TMEM132B: variants seen among roughly 807,000 people sequenced by gnomAD.
TMEM132B encodes the protein transmembrane protein 132B.
In TMEM132B, 18 loss-of-function variants were observed where a neutral mutation model predicts 90.8. That is an observed-to-expected ratio of 0.20 (90% CI 0.14 to 0.29). TMEM132B has a LOEUF of 0.29. Ranked by LOEUF, TMEM132B falls within the 10% of genes least tolerant of loss-of-function variation. TMEM132B has a pLI of 1.00. For synonymous variants in TMEM132B, 504 were observed against 523.3 expected (o/e 0.96, Z 0.50); for missense variants, 1,096 against 1,326.8 (o/e 0.83, Z 2.70).
At chr12:125,243,032 T>TATATATATATATATATATATACAC (rs1215676534) in intron 1 of TMEM132B, among the ~76,000 whole-genome samples, 393 of 134,886 alleles carry the variant, frequency 2.9e-3, no homozygotes, top group Middle Eastern at 7.9e-3. Flanking sequence ...TATATATATA[T>TATATATATATATATATATATACAC]ACACACACAC....
At chr12:125,350,626 G>A (rs540693467) in intron 2 of TMEM132B, among the ~76,000 whole-genome samples, 1 of 152,278 alleles carries the variant, frequency 6.6e-6, no homozygotes, top group East Asian at 1.9e-4. Flanking sequence ...ACAAAGGGTT[G>A]GGCAGTGTGA....
chr12:125,228,461 G>A (rs545733299), intron 1 of TMEM132B, among the ~76,000 whole-genome samples: 7 of 152,346 alleles, frequency 4.6e-5, no homozygotes, highest in African/African-American at 1.7e-4. Context: ...TCTGGGGGAA[G>A]AGTCGAACAA....
chr12:125,430,695 C>A (rs974217277), intron 3 of TMEM132B, among the ~76,000 whole-genome samples: 1 of 152,190 alleles, frequency 6.6e-6, no homozygotes, highest in Non-Finnish European at 1.5e-5. Flanking sequence ...GTGCCACCCA[C>A]CTTCTGAGTC....
chr12:125,355,143 T>C (rs1248804670), intron 2 of TMEM132B, among the ~76,000 whole-genome samples: 1 of 152,014 alleles, frequency 6.6e-6, no homozygotes, highest in African/African-American at 2.4e-5. Context: ...TTAGATTACT[T>C]ATTAAGCTTT....
intron 1 of TMEM132B, among the ~76,000 whole-genome samples, chr12:125,286,954 C>T (rs548548557): frequency 5.9e-4 from 89 of 151,952 alleles, no homozygotes; most frequent in Middle Eastern, 3.4e-3. Context: ...CCACCCTCCT[C>T]GGCCTCCCTA....
At chr12:125,229,356 G>A (rs1223815660) in intron 1 of TMEM132B, among the ~76,000 whole-genome samples, 1 of 152,180 alleles carries the variant, frequency 6.6e-6, no homozygotes, top group African/African-American at 2.4e-5. Flanking sequence ...TTTTGTGCCT[G>A]TGATTCAGTC....
At chr12:125,288,192 C>A (rs1417755092) in intron 1 of TMEM132B, among the ~76,000 whole-genome samples, 1 of 151,640 alleles carries the variant, frequency 6.6e-6, no homozygotes, top group East Asian at 2.0e-4. Context: ...TTTTAAAGAG[C>A]TGCCAGCTAC....
chr12:125,539,286 C>A (rs1883892948), intron 4 of TMEM132B, among the ~76,000 whole-genome samples: 1 of 152,196 alleles, frequency 6.6e-6, no homozygotes, highest in South Asian at 2.1e-4. Flanking sequence ...GGCCTCCTTT[C>A]TTTTCTGGAA....
chr12:125,502,145 C>G (rs1446762314), intron 3 of TMEM132B, among the ~76,000 whole-genome samples: 1 of 152,194 alleles, frequency 6.6e-6, no homozygotes, highest in East Asian at 1.9e-4. Flanking sequence ...AACCCTGATC[C>G]TTGTCCTCTG....
chr12:125,539,395 G>C (rs1235009941), intron 4 of TMEM132B, among the ~76,000 whole-genome samples: 1 of 152,180 alleles, frequency 6.6e-6, no homozygotes, highest in Admixed American at 6.5e-5. Flanking sequence ...TCCCCGCCCA[G>C]GTCTTAGGTC....
At chr12:125,217,735 T>C (rs1300585032) in intron 1 of TMEM132B, among the ~76,000 whole-genome samples, 1 of 152,214 alleles carries the variant, frequency 6.6e-6, no homozygotes, top group Non-Finnish European at 1.5e-5. Context: ...ATTACAGGTG[T>C]GAGCTACCAC....
chr12:125,469,083 T>TA (rs575872673), intron 3 of TMEM132B, among the ~76,000 whole-genome samples: 12 of 152,364 alleles, frequency 7.9e-5, no homozygotes, highest in African/African-American at 2.6e-4. Flanking sequence ...TTTTCTTGCC[T>TA]AACTGCTCTG....
rs1883249098 is a variant in TMEM132B at position 125,519,473 on chromosome 12, G to A, written c.1141G>A (p.Asp381Asn). 1 of 1,613,510 alleles carries A rather than the reference G, an allele frequency of 6.2e-7. No individual in the cohort carries two copies. Among genetic ancestry groups the A allele is most frequent in the Non-Finnish European group, 8.5e-7 (1 of 1,179,738 alleles). ...ATCCTTCTATGAGATCTTGCAAGTGGACTTTGGAATTGATAATAGCAGTGA... is the reference window on the plus strand; with the variant it reads ...ATCCTTCTATGAGATCTTGCAAGTGAACTTTGGAATTGATAATAGCAGTGA... ...NGSFYEILQV[D>N]FGIDNSSDLA... Residue 381 changes from aspartate to asparagine, a missense_variant, in exon 4 of 9, where the codon GAC becomes AAC. Physicochemically the swap from Asp to Asn is conservative, Grantham distance 23. Transcript: ENST00000682704.
At chr12:125,211,298 T>A (rs1450781414) in intron 1 of TMEM132B, among the ~76,000 whole-genome samples, 1 of 152,186 alleles carries the variant, frequency 6.6e-6, no homozygotes, top group Non-Finnish European at 1.5e-5. Context: ...CCCATGGAGT[T>A]GTTGGGTATG....
At chr12:125,588,208 A>C (rs1436951651) in intron 5 of TMEM132B, 1 of 152,196 alleles carries the variant, frequency 6.6e-6, no homozygotes, top group East Asian at 1.9e-4. Context: ...CAAATTACTT[A>C]CCATCTCTGA....
chr12:125,272,060 C>T (rs895577024), intron 1 of TMEM132B, among the ~76,000 whole-genome samples: 3 of 152,176 alleles, frequency 2.0e-5, no homozygotes, highest in African/African-American at 4.8e-5. Context: ...CTGCTGTCTC[C>T]CGTCTAACAA....
Position 125,583,855 on chromosome 12 carries a change from C to T in TMEM132B, c.1298C>T (p.Thr433Ile). 2 of 1,613,970 alleles carry T rather than the reference C, an allele frequency of 1.2e-6. No individual in the cohort carries two copies. The highest frequency in any genetic ancestry group is 1.7e-6 in the Non-Finnish European group (2 of 1,179,980). Residue 433 changes from threonine (T) to isoleucine (I), a missense_variant, in exon 5 of 9, where the codon ACC (threonine) becomes ATC (isoleucine). Transcript: ENST00000682704. ...GCCCTCTCCTCTCCTGTTTAGGACA[C>T]CGAGGTTTTGAACACTGCCATTCTC... ...FVGIVPLAMD[T>I]EVLNTAILTG...
In TMEM132B at chr12:125,243,120, T is replaced by TAC. The variant is rs797022083; in HGVS notation, c.67+56255_67+56256insCA. ...ACATATATATATACACATATATATA[T>TAC]ATACACACACACACACATATATATA... On this transcript the variant is annotated intron_variant, in intron 1 of 8. Transcript: ENST00000682704. 2.0e-3 allele frequency among the ~76,000 whole-genome samples: 278 copies of TAC among 142,014 alleles called. No individual in the cohort carries two copies. The East Asian group carries it at 0.038, about 19-fold the overall frequency. 93.2% of individuals were successfully genotyped at this position (142,014 alleles called of 152,430 possible).
intron 3 of TMEM132B, among the ~76,000 whole-genome samples, chr12:125,495,406 C>T (rs1196384195): frequency 6.6e-6 from 1 of 151,990 alleles, no homozygotes; most frequent in Non-Finnish European, 1.5e-5. Context: ...GTTGGATGGC[C>T]CCTCCTCCAT....
Sources: allele counts gnomAD v4.1 joint callset (sites outside exome capture counted in the v4.1 genomes callset), GRCh38; gene constraint gnomAD v4.1.1; transcripts MANE v1.5; gene names NCBI Gene and HGNC (gene_info 2026-07-23, HGNC 2026-07-21).